The following CNTNAP2 variants were observed in gnomAD, a reference collection of about 807,000 sequenced individuals.
CNTNAP2 encodes contactin-associated protein-like 2.
In CNTNAP2, 98 loss-of-function variants were observed where a neutral mutation model predicts 155.2. That is an observed-to-expected ratio of 0.63 (90% CI 0.54 to 0.75). CNTNAP2 has a LOEUF of 0.75. CNTNAP2 is among the 30% of genes least tolerant of loss of function. CNTNAP2 has a pLI of 0.00. For synonymous variants in CNTNAP2, 651 were observed against 631.2 expected, an observed-to-expected ratio of 1.03 and a Z score of -0.47; for missense variants, 1,727 against 1,688.1, an observed-to-expected ratio of 1.02 and a Z score of -0.40.
chr7:146,424,868 C>T (rs1167676702), intron 1 of CNTNAP2, among the ~76,000 whole-genome samples: 1 of 152,064 alleles, frequency 6.6e-6, no homozygotes, highest in Non-Finnish European at 1.5e-5. Context: ...ACTAGTTCTA[C>T]CCTATGTAGT....
chr7:147,495,038 G>A (rs963142938), intron 11 of CNTNAP2, among the ~76,000 whole-genome samples: 19 of 152,094 alleles, frequency 1.2e-4, no homozygotes, highest in Admixed American at 1.3e-4. Context: ...AAGCATAGAC[G>A]AGAGCCATTT....
chr7:148,108,749 T>C (rs968132661), intron 15 of CNTNAP2, among the ~76,000 whole-genome samples: 5 of 152,108 alleles, frequency 3.3e-5, no homozygotes, highest in African/African-American at 9.7e-5. Context: ...ACATGCTTGG[T>C]TGGTTAAGTT....
At chr7:147,965,377 C>A (rs1801190608) in intron 14 of CNTNAP2, among the ~76,000 whole-genome samples, 1 of 151,864 alleles carries the variant, frequency 6.6e-6, no homozygotes, top group Admixed American at 6.6e-5. Context: ...CCTCTAGTTT[C>A]TGCCCTATTG....
At chr7:146,717,493 A>G (rs4255055) in intron 1 of CNTNAP2, among the ~76,000 whole-genome samples, 7,195 of 152,108 alleles carry the variant, frequency 0.047, 258 homozygotes, top group East Asian at 0.12. Flanking sequence ...CAGCTTGGGC[A>G]ACAGAGTGAG....
intron 9 of CNTNAP2, among the ~76,000 whole-genome samples, chr7:147,357,634 C>T (rs1299771882): frequency 6.6e-6 from 1 of 152,056 alleles, no homozygotes; most frequent in Non-Finnish European, 1.5e-5. Context: ...CAAACCTATC[C>T]CACGTGTGAC....
chr7:146,426,623 T>A (rs1426403268), intron 1 of CNTNAP2, among the ~76,000 whole-genome samples: 49 of 130,192 alleles, frequency 3.8e-4, no homozygotes, highest in South Asian at 9.8e-4. Context: ...ATAACACCTT[T>A]AAAAAAAAAA....
At chr7:147,368,911 AC>A (rs1796291973) in intron 9 of CNTNAP2, among the ~76,000 whole-genome samples, 1 of 152,192 alleles carries the variant, frequency 6.6e-6, no homozygotes, top group South Asian at 2.1e-4. Flanking sequence ...TTCCTTGGGG[AC>A]CCACAGTAGA....
At chr7:147,284,923 T>C (rs987011898) in intron 8 of CNTNAP2, among the ~76,000 whole-genome samples, 2 of 151,854 alleles carry the variant, frequency 1.3e-5, no homozygotes, top group Non-Finnish European at 2.9e-5. Flanking sequence ...CTAGGAGTCA[T>C]GTAGAAGAAT....
At chr7:147,358,936 A>G (rs1238149979) in intron 9 of CNTNAP2, among the ~76,000 whole-genome samples, 1 of 152,134 alleles carries the variant, frequency 6.6e-6, no homozygotes, top group Non-Finnish European at 1.5e-5. Flanking sequence ...GCCTGCAGAC[A>G]TACGGTTTTG....
intron 13 of CNTNAP2, among the ~76,000 whole-genome samples, chr7:147,755,969 G>A (rs1797208832): frequency 6.6e-6 from 1 of 152,204 alleles, no homozygotes; most frequent in South Asian, 2.1e-4. Flanking sequence ...AGACTTGTTA[G>A]TCACTGAAGA....
intron 13 of CNTNAP2, among the ~76,000 whole-genome samples, chr7:147,859,594 A>G (rs1428526074): frequency 6.6e-6 from 1 of 152,176 alleles, no homozygotes; most frequent in Non-Finnish European, 1.5e-5. Context: ...TTTAAATATT[A>G]CTAGAGTTCA....
At chr7:147,461,451 T>G (rs1798023879) in intron 10 of CNTNAP2, among the ~76,000 whole-genome samples, 1 of 152,300 alleles carries the variant, frequency 6.6e-6, no homozygotes, top group East Asian at 1.9e-4. Context: ...TCAGACGATT[T>G]TTATGTAAGA....
intron 13 of CNTNAP2, among the ~76,000 whole-genome samples, chr7:147,760,030 C>A (rs969371355): frequency 6.6e-6 from 1 of 152,096 alleles, no homozygotes; most frequent in East Asian, 1.9e-4. Context: ...CCCTTCTCTT[C>A]TTGGACGTCC....
chr7:146,855,643 A>C (rs1197311169), intron 3 of CNTNAP2, among the ~76,000 whole-genome samples: 1 of 151,804 alleles, frequency 6.6e-6, no homozygotes, highest in Non-Finnish European at 1.5e-5. Context: ...TATATGGTTG[A>C]AGCATTTCTG....
intron 13 of CNTNAP2, among the ~76,000 whole-genome samples, chr7:147,674,325 A>G (rs1263211967): frequency 6.6e-6 from 1 of 152,148 alleles, no homozygotes; most frequent in Non-Finnish European, 1.5e-5. Context: ...CTCCTTAGAG[A>G]GCATATTTTT....
At chr7:147,820,549 G>A (rs1798345400) in intron 13 of CNTNAP2, among the ~76,000 whole-genome samples, 1 of 151,900 alleles carries the variant, frequency 6.6e-6, no homozygotes, top group African/African-American at 2.4e-5. Context: ...TTTTCTTTGT[G>A]GCTAGCACTT....
intron 4 of CNTNAP2, among the ~76,000 whole-genome samples, chr7:147,054,195 T>C (rs915022350): frequency 6.6e-6 from 1 of 152,186 alleles, no homozygotes; most frequent in Non-Finnish European, 1.5e-5. Flanking sequence ...AGAAATGCTT[T>C]GGCCTATCAA....
At chr7:146,262,493 C>A (rs920962582) in intron 1 of CNTNAP2, among the ~76,000 whole-genome samples, 9 of 152,150 alleles carry the variant, frequency 5.9e-5, no homozygotes, top group African/African-American at 1.9e-4. Context: ...AGAAATATTT[C>A]TTCTCTTCCA....
At chr7:147,450,768 A>T (rs369086367) in intron 10 of CNTNAP2, among the ~76,000 whole-genome samples, 129 of 152,278 alleles carry the variant, frequency 8.5e-4, no homozygotes, top group African/African-American at 3.1e-3. Context: ...TATCCTACCA[A>T]AATTTTTACT....
Sources: allele counts gnomAD v4.1 joint callset (sites outside exome capture counted in the v4.1 genomes callset), GRCh38; gene constraint gnomAD v4.1.1; transcripts MANE v1.5; gene names NCBI Gene and HGNC (gene_info 2026-07-23, HGNC 2026-07-21).